The following RARB variants were observed in gnomAD, a reference collection of about 807,000 sequenced individuals.
The protein encoded by RARB is retinoic acid receptor beta.
In RARB, 17 loss-of-function variants were observed where a neutral mutation model predicts 51.9. The observed-to-expected ratio is 0.33, with a 90% CI of 0.22 to 0.49. The LOEUF (loss-of-function observed/expected upper bound fraction) is 0.49, where lower values mean the gene tolerates loss of function less well. Ranked by LOEUF, RARB falls within the 20% of genes least tolerant of loss-of-function variation. The probability of loss-of-function intolerance (pLI) is 0.99; values close to 1 mark genes in which losing one functional copy is unlikely to be tolerated. For synonymous variants in RARB, 215 were observed against 195.4 expected (o/e 1.10, Z -0.84); for missense variants, 369 against 550.8 (o/e 0.67, Z 3.30).
At chr3:24,897,589 T>C (rs1007515753) in intron 2 of RARB, among the ~76,000 whole-genome samples, 4 of 152,220 alleles carry the variant, frequency 2.6e-5, no homozygotes, top group African/African-American at 9.6e-5. Context: ...AGTTAAAATA[T>C]GATTTGTTAC....
intron 5 of RARB, among the ~76,000 whole-genome samples, chr3:25,416,075 A>G (rs901407026): frequency 6.6e-6 from 1 of 152,226 alleles, no homozygotes; most frequent in Non-Finnish European, 1.5e-5. Context: ...AACTGAAGAA[A>G]AAGATGCAAC....
chr3:25,160,176 C>A (rs977477799), intron 4 of RARB, among the ~76,000 whole-genome samples: 1 of 152,220 alleles, frequency 6.6e-6, no homozygotes, highest in African/African-American at 2.4e-5. Flanking sequence ...TATATTATCT[C>A]TAGGCTCTGG....
chr3:25,265,499 G>A (rs938146762), intron 5 of RARB, among the ~76,000 whole-genome samples: 12 of 152,136 alleles, frequency 7.9e-5, no homozygotes, highest in African/African-American at 2.9e-4. Flanking sequence ...TTGAGACAGA[G>A]TCTTGCTCTG....
chr3:25,326,146 G>A (rs1704710547), intron 5 of RARB, among the ~76,000 whole-genome samples: 1 of 152,212 alleles, frequency 6.6e-6, no homozygotes, highest in Admixed American at 6.5e-5. Context: ...CAGAAGTGAA[G>A]TGAGTTGACT....
At chr3:25,512,054 G>T (rs1321971764) in intron 3 of RARB, among the ~76,000 whole-genome samples, 4 of 152,140 alleles carry the variant, frequency 2.6e-5, no homozygotes, top group African/African-American at 7.2e-5. Context: ...ACACCAAGTT[G>T]CTTGTCTGTA....
intron 2 of RARB, among the ~76,000 whole-genome samples, chr3:24,917,793 C>T (rs1575070919): frequency 6.6e-6 from 1 of 152,246 alleles, no homozygotes; most frequent in Non-Finnish European, 1.5e-5. Context: ...TCCTAAAGTG[C>T]TGGGCTTACA....
At chr3:24,999,612 A>G (rs1219225188) in intron 2 of RARB, among the ~76,000 whole-genome samples, 6 of 152,204 alleles carry the variant, frequency 3.9e-5, no homozygotes, top group Non-Finnish European at 5.9e-5. Context: ...TGCAGTGCCC[A>G]AATTCAAGAC....
At chr3:25,208,425 G>T (rs1328415702) in intron 5 of RARB, among the ~76,000 whole-genome samples, 3 of 152,066 alleles carry the variant, frequency 2.0e-5, no homozygotes, top group African/African-American at 4.8e-5. Flanking sequence ...AATTTCTCCT[G>T]TTGACCTTTC....
At chr3:25,048,993 C>T (rs995095511) in intron 2 of RARB, among the ~76,000 whole-genome samples, 2 of 152,202 alleles carry the variant, frequency 1.3e-5, no homozygotes, top group Admixed American at 1.3e-4. Context: ...ACCTTGTGAT[C>T]CACCTGCCTC....
intron 4 of RARB, among the ~76,000 whole-genome samples, chr3:25,134,065 G>T (rs2125334254): frequency 6.7e-6 from 1 of 149,250 alleles, no homozygotes; most frequent in East Asian, 2.0e-4. Flanking sequence ...TATATTTTCT[G>T]TTTAGTTCCA....
In RARB at chr3:25,330,987, T is replaced by C. The variant is rs548354912; in HGVS notation, c.179-130206T>C. On this transcript the variant is annotated intron_variant, in intron 5 of 11. Transcript: ENST00000383772. ...CAAGAAGAGTTAACTGTGCTAAATA[T>C]ATATGCACCCAATACAGGAGCACCC... 2.0e-5 allele frequency among the ~76,000 whole-genome samples: 3 copies of C among 152,296 alleles called. No homozygotes were observed. In the East Asian group the frequency reaches 5.8e-4, roughly 29 times the overall value.
intron 4 of RARB, among the ~76,000 whole-genome samples, chr3:25,150,238 C>A (rs528159588): frequency 1.3e-5 from 2 of 151,962 alleles, no homozygotes; most frequent in Non-Finnish European, 2.9e-5. Context: ...TAACCTGATA[C>A]GCATAGCATG....
chr3:24,879,712 C>A lies in RARB; in HGVS notation c.-380+20960C>A, dbSNP rs142605219. ...CTTGACTTGAGGGATTTAGGATCACCGTGGCAGAAGTTAACTTAAATACTG... is the reference window on the plus strand; with the variant it reads ...CTTGACTTGAGGGATTTAGGATCACAGTGGCAGAAGTTAACTTAAATACTG... On this transcript the variant is annotated intron_variant, in intron 2 of 11. Coordinates refer to the RARB transcript ENST00000383772. Among the ~76,000 whole-genome samples, 63 of 152,076 alleles carry A rather than the reference C, an allele frequency of 4.1e-4. 2 individuals are homozygous for A. The East Asian group carries it at 0.012, about 28-fold the overall frequency.
intron 2 of RARB, among the ~76,000 whole-genome samples, chr3:24,909,785 A>G (rs1559392229): frequency 6.6e-6 from 1 of 151,954 alleles, no homozygotes; most frequent in Admixed American, 6.6e-5. Flanking sequence ...ACCCTGACCT[A>G]TTTTTGTTCT....
intron 5 of RARB, among the ~76,000 whole-genome samples, chr3:25,269,826 G>A (rs1191059565): frequency 6.6e-6 from 1 of 152,068 alleles, no homozygotes; most frequent in Non-Finnish European, 1.5e-5. Flanking sequence ...TGCTAAAAAT[G>A]TCATGTTTAA....
intron 5 of RARB, among the ~76,000 whole-genome samples, chr3:25,301,745 C>T (rs1005413094): frequency 1.1e-4 from 17 of 152,144 alleles, no homozygotes; most frequent in Admixed American, 2.0e-4. Flanking sequence ...GAGGCTCTTG[C>T]GGTGGCAGTT....
intron 4 of RARB, among the ~76,000 whole-genome samples, chr3:25,132,465 G>T (rs1699968868): frequency 6.6e-6 from 1 of 151,766 alleles, no homozygotes; most frequent in African/African-American, 2.4e-5. Context: ...TTTAATAATA[G>T]CAGGAGCTAG....
At chr3:25,108,396 A>G (rs903035161) in intron 3 of RARB, among the ~76,000 whole-genome samples, 3 of 152,214 alleles carry the variant, frequency 2.0e-5, no homozygotes, top group African/African-American at 7.2e-5. Flanking sequence ...AGGATGATTC[A>G]GCTATCCGGG....
intron 3 of RARB, among the ~76,000 whole-genome samples, chr3:25,112,813 T>C (rs893719247): frequency 1.3e-5 from 2 of 152,110 alleles, no homozygotes; most frequent in Admixed American, 6.5e-5. Flanking sequence ...TTCCTAACCA[T>C]CTTGTATAGA....
Sources: allele counts gnomAD v4.1 joint callset (sites outside exome capture counted in the v4.1 genomes callset), GRCh38; gene constraint gnomAD v4.1.1; transcripts MANE v1.5; gene names NCBI Gene and HGNC (gene_info 2026-07-23, HGNC 2026-07-21).